Variants in DAB1 observed in about 807,000 individuals in gnomAD.
The protein encoded by DAB1 is DAB adaptor protein 1, also known as disabled homolog 1.
Under a neutral mutation model 64.6 loss-of-function variants are expected in DAB1, and 15 were observed. The ratio of observed to expected loss-of-function variants is 0.23; its 90% confidence interval spans 0.16 to 0.36. The LOEUF is 0.36. Ranked by LOEUF, DAB1 falls within the 10% of genes least tolerant of loss-of-function variation. The pLI, the probability that DAB1 is intolerant of heterozygous loss-of-function variation, is 1.00. For synonymous variants in DAB1, 235 were observed against 251.9 expected (o/e 0.93, Z 0.64); for missense variants, 596 against 706.7 (o/e 0.84, Z 1.78).
intron 5 of DAB1, among the ~76,000 whole-genome samples, chr1:58,083,491 C>CGAAT (rs1335885419): frequency 6.6e-6 from 1 of 152,150 alleles, no homozygotes; most frequent in Non-Finnish European, 1.5e-5. Flanking sequence ...GGACAAAGGA[C>CGAAT]GAATGAATGA....
chr1:57,262,147 T>C (rs986787664), intron 2 of DAB1, among the ~76,000 whole-genome samples: 1 of 152,122 alleles, frequency 6.6e-6, no homozygotes, highest in African/African-American at 2.4e-5. Context: ...AAGCTACATG[T>C]TGGGCAAGTT....
chr1:57,147,775 T>C (rs1238574059), intron 2 of DAB1, among the ~76,000 whole-genome samples: 1 of 152,178 alleles, frequency 6.6e-6, no homozygotes, highest in Admixed American at 6.5e-5. Context: ...ATTATATGCA[T>C]CAACTTGTTA....
intron 5 of DAB1, among the ~76,000 whole-genome samples, chr1:58,011,267 T>C (rs1646664326): frequency 6.6e-6 from 1 of 152,194 alleles, no homozygotes; most frequent in Non-Finnish European, 1.5e-5. Context: ...TGGTAATAAG[T>C]ATTCTTGTAT....
In DAB1 at chr1:58,432,254, A is replaced by AT. The variant is rs1644886712; in HGVS notation, n.257+73805_257+73806insA. Reference sequence around the variant, plus strand: ...GGAGGAACCCTCCCCTAGACACTCCACCTAAAGTTCCTATTATTTTTCTTA... The same window carrying AT: ...GGAGGAACCCTCCCCTAGACACTCCATCCTAAAGTTCCTATTATTTTTCTTA... On this transcript the variant is annotated intron_variant and non_coding_transcript_variant, in intron 3 of 20. Coordinates refer to the DAB1 transcript ENST00000485760. Among the ~76,000 whole-genome samples, 10 of 152,150 alleles carry AT rather than the reference A, an allele frequency of 6.6e-5. 1 individual carries two copies. The South Asian group carries it at 1.9e-3, about 28-fold the overall frequency.
At chr1:58,190,520 C>CT (rs1244964385) in intron 4 of DAB1, among the ~76,000 whole-genome samples, 1 of 152,188 alleles carries the variant, frequency 6.6e-6, no homozygotes, top group Admixed American at 6.5e-5. Flanking sequence ...TTTCTGTCTC[C>CT]TTTCCTGAAT....
intron 3 of DAB1, among the ~76,000 whole-genome samples, chr1:58,391,287 G>A (rs1038050746): frequency 2.6e-5 from 4 of 152,192 alleles, no homozygotes; most frequent in African/African-American, 7.2e-5. Context: ...CAGTGAGACT[G>A]CAATAGCCAG....
intron 6 of DAB1, among the ~76,000 whole-genome samples, chr1:57,690,553 A>G (rs889161474): frequency 6.6e-6 from 1 of 152,166 alleles, no homozygotes; most frequent in Non-Finnish European, 1.5e-5. Flanking sequence ...TGCTACTTGC[A>G]CAGTCTGCAG....
intron 2 of DAB1, among the ~76,000 whole-genome samples, chr1:58,521,068 T>C (rs765122003): frequency 3.3e-4 from 50 of 152,168 alleles, no homozygotes; most frequent in Non-Finnish European, 2.8e-4. Flanking sequence ...CCAACCCTTT[T>C]CAAAGGATTC....
At chr1:57,001,606 G>A (rs1208267585) in intron 14 of DAB1, among the ~76,000 whole-genome samples, 1 of 152,114 alleles carries the variant, frequency 6.6e-6, no homozygotes, top group East Asian at 1.9e-4. Context: ...TCACTCAAAG[G>A]AAAAGGCAAA....
At chr1:57,883,051 T>C (rs548448823) in intron 1 of DAB1, among the ~76,000 whole-genome samples, 2 of 152,294 alleles carry the variant, frequency 1.3e-5, no homozygotes, top group East Asian at 1.9e-4. Context: ...ATCTGTGAAC[T>C]TCCATTGCAA....
At chr1:58,411,688 T>C (rs1464023583) in intron 3 of DAB1, among the ~76,000 whole-genome samples, 1 of 152,178 alleles carries the variant, frequency 6.6e-6, no homozygotes, top group Admixed American at 6.5e-5. Flanking sequence ...GAGTTCAGCA[T>C]AGCTGGAGTA....
intron 3 of DAB1, among the ~76,000 whole-genome samples, chr1:58,443,576 T>C (rs929263225): frequency 6.6e-6 from 1 of 152,216 alleles, no homozygotes; most frequent in African/African-American, 2.4e-5. Flanking sequence ...GTTAATTCCA[T>C]GGTTTTGACA....
chr1:58,147,141 T>C (rs902645639), intron 5 of DAB1, among the ~76,000 whole-genome samples: 2 of 151,622 alleles, frequency 1.3e-5, no homozygotes, highest in Admixed American at 1.3e-4. Flanking sequence ...ACCCCGTCTC[T>C]ACTAAAAATA....
At chr1:57,054,075 A>G (rs967769413) in intron 9 of DAB1, among the ~76,000 whole-genome samples, 7 of 152,200 alleles carry the variant, frequency 4.6e-5, no homozygotes, top group African/African-American at 1.7e-4. Flanking sequence ...TATGCCTAAT[A>G]CAACTATATA....
At chr1:57,107,549 G>A (rs1417583219) in intron 4 of DAB1, among the ~76,000 whole-genome samples, 2 of 152,038 alleles carry the variant, frequency 1.3e-5, no homozygotes, top group Non-Finnish European at 2.9e-5. Flanking sequence ...CCAGAACACA[G>A]TGTGATACGT....
chr1:57,358,699 G>A (rs185696487), intron 1 of DAB1, among the ~76,000 whole-genome samples: 1 of 152,114 alleles, frequency 6.6e-6, no homozygotes, highest in East Asian at 1.9e-4. Context: ...AACAAAACTG[G>A]AGGCATCACA....
chr1:58,153,628 G>A (rs1202934299), intron 4 of DAB1, among the ~76,000 whole-genome samples: 2 of 152,040 alleles, frequency 1.3e-5, no homozygotes, highest in Non-Finnish European at 1.5e-5. Flanking sequence ...TCAACCTAGA[G>A]CTGTAATGTG....
intron 5 of DAB1, among the ~76,000 whole-genome samples, chr1:58,149,031 T>C (rs1318909997): frequency 6.6e-6 from 1 of 152,192 alleles, no homozygotes; most frequent in Non-Finnish European, 1.5e-5. Flanking sequence ...AGCTTAAATA[T>C]CATGTCCACA....
intron 2 of DAB1, among the ~76,000 whole-genome samples, chr1:57,268,910 G>T (rs968840320): frequency 1.3e-5 from 2 of 152,108 alleles, no homozygotes; most frequent in Non-Finnish European, 2.9e-5. Context: ...AAGAGGAAGT[G>T]ATCCAAGGAT....
Sources: gnomAD v4.1 joint callset for allele counts (sites outside exome capture counted in the v4.1 genomes callset) on GRCh38, gnomAD v4.1.1 for gene constraint, MANE v1.5 for transcripts, NCBI Gene and HGNC (gene_info 2026-07-23, HGNC 2026-07-21) for gene names.